Variants in ABCB11 observed in about 807,000 individuals in gnomAD.
The protein encoded by ABCB11 is bile salt export pump.
In ABCB11, 95 loss-of-function variants were observed where a neutral mutation model predicts 148.0. That is an observed-to-expected ratio of 0.64 (90% CI 0.54 to 0.76). The LOEUF (loss-of-function observed/expected upper bound fraction) is 0.76. ABCB11 is among the 30% of genes least tolerant of loss of function. The pLI, the probability that ABCB11 is intolerant of heterozygous loss-of-function variation, is 0.00. For missense variants in ABCB11, 1,523 were observed against 1,617.8 expected, an observed-to-expected ratio of 0.94 and a Z score of 1.01; for synonymous variants, 591 against 555.4, an observed-to-expected ratio of 1.06 and a Z score of -0.90.
At chr2:168,933,030 A>T (rs1349406583) in intron 23 of ABCB11, among the ~76,000 whole-genome samples, 1 of 150,436 alleles carries the variant, frequency 6.6e-6, no homozygotes, top group Non-Finnish European at 1.5e-5. Context: ...AATGGTATGA[A>T]CCTGGGAGGC....
intron 1 of ABCB11, among the ~76,000 whole-genome samples, chr2:169,018,707 T>A (rs1389090920): frequency 6.6e-6 from 1 of 152,142 alleles, no homozygotes; most frequent in Non-Finnish European, 1.5e-5. Flanking sequence ...TTAGTCTTAT[T>A]CACAGTGGAA....
intron 5 of ABCB11, among the ~76,000 whole-genome samples, 153 bp from the exon 6 acceptor site, chr2:168,996,875 G>C (rs1694735939): frequency 6.7e-6 from 1 of 148,486 alleles, no homozygotes; most frequent in Admixed American, 6.8e-5. Flanking sequence ...ATTTCTATTA[G>C]ACATGAGTAA....
chr2:168,942,288 C>A (rs1024224229), intron 21 of ABCB11, among the ~76,000 whole-genome samples: 3 of 151,632 alleles, frequency 2.0e-5, no homozygotes, highest in African/African-American at 7.3e-5. Flanking sequence ...AATTTAGTAT[C>A]CCCACAATAG....
In ABCB11 at chr2:168,936,436, G is replaced by A; in HGVS notation, c.2611-3C>T. 2 of 1,613,626 alleles carry A rather than the reference G, an allele frequency of 1.2e-6. No individual in the cohort carries two copies. The highest frequency in any genetic ancestry group is 2.2e-5 in the East Asian group (1 of 44,866). Reference sequence around the variant, plus strand: ...ATCCCGATCTGAGAGCCGGCAGCCTGCAAACCAAAAAGCAATCAACCCGTC... The same window carrying A: ...ATCCCGATCTGAGAGCCGGCAGCCTACAAACCAAAAAGCAATCAACCCGTC... On this transcript the variant is annotated splice_polypyrimidine_tract_variant and splice_region_variant and intron_variant, in intron 21 of 27. Coordinates refer to ENST00000650372, the MANE Select transcript of ABCB11 (RefSeq NM_003742.4).
chr2:169,013,600 A>G, intron 4 of ABCB11, 90 bp from the exon 5 acceptor site: 1 of 1,034,642 alleles, frequency 9.7e-7, no homozygotes, highest in Non-Finnish European at 1.4e-6. Flanking sequence ...ATTCTCATGA[A>G]TAGTACTCAA....
chr2:168,940,487 A>T (rs73016688), intron 21 of ABCB11, among the ~76,000 whole-genome samples: 5,808 of 152,150 alleles, frequency 0.038, 362 homozygotes, highest in African/African-American at 0.13. Context: ...AATTCTAGTA[A>T]GGCTGAGAGA....
At position 168,986,261 on chromosome 2, in the gene ABCB11, G is replaced by A. The variant is rs1321469497; in HGVS notation, c.932C>T (p.Ala311Val). The A allele has an allele frequency of 6.2e-7, 1 of 1,612,700 alleles. No individual in the cohort carries two copies. Among genetic ancestry groups the A allele is most frequent in the Non-Finnish European group, 8.5e-7 (1 of 1,179,476 alleles). ...TCCTTTTCTAATTCCCCAACGCTGG[G>A]CGAACACAAGATTTTTCTCATACCT... Reference protein sequence around the residue: ...VERYEKNLVFAQRWGIRKGIV... With the variant: ...VERYEKNLVFVQRWGIRKGIV... The change falls in exon 10 of 28, where the codon GCC becomes GTC. Residue 311 changes from alanine to valine, a missense_variant. Physicochemically the swap from Ala to Val is moderately conservative, Grantham distance 64. Transcript: ENST00000650372.
At chr2:168,933,267 T>C (rs940911483) in intron 23 of ABCB11, among the ~76,000 whole-genome samples, 8 of 152,162 alleles carry the variant, frequency 5.3e-5, no homozygotes, top group Admixed American at 1.3e-4. Flanking sequence ...TAAAAGATAA[T>C]GATTGATGAT....
intron 21 of ABCB11, among the ~76,000 whole-genome samples, chr2:168,943,061 C>G (rs1215422410): frequency 6.6e-6 from 1 of 151,838 alleles, no homozygotes; most frequent in Non-Finnish European, 1.5e-5. Context: ...TAGAAAAATT[C>G]TGAGAAAATC....
rs142792836 is a variant in ABCB11, at chr2:168,972,422, A to C, written c.1435-372T>G. Among the ~76,000 whole-genome samples the C allele has an allele frequency of 5.4e-5, 8 of 147,506 alleles. No individual in the cohort carries two copies. In the East Asian group the frequency reaches 1.7e-3, roughly 31 times the overall value. The stretch of plus-strand genomic sequence containing the variant: ...TGGACTCAAAAGATATAATAAAAAT[A>C]AACAATGATCCCTATCTTGTATATA... On this transcript the variant is annotated intron_variant, in intron 13 of 27. Coordinates refer to ENST00000650372, the MANE Select transcript of ABCB11 (RefSeq NM_003742.4).
rs1060499579 is a variant in ABCB11, at chr2:168,944,925, G to T, written c.2380C>A (p.Gln794Lys). Residue 794 changes from glutamine (Q) to lysine (K), a missense_variant, in exon 20 of 28, where the codon CAG becomes AAG. Physicochemically the swap from Gln to Lys is moderately conservative, Grantham distance 53. Transcript: ENST00000650372. The stretch of plus-strand genomic sequence containing the variant: ...AAAAGTAGGCACACACCATTGATCT[G>T]TGACCTTTGTTCCTCTTTATCAGGA... ...SIPDKEEQRS[Q>K]INGVCLLFVA... The T allele has an allele frequency of 6.4e-7, 1 of 1,568,248 alleles. No individual in the cohort carries two copies. Among genetic ancestry groups the T allele is most frequent in the South Asian group, 1.2e-5 (1 of 85,026 alleles).
intron 17 of ABCB11, among the ~76,000 whole-genome samples, chr2:168,968,122 A>AAACAC (rs1693394138): frequency 1.1e-5 from 1 of 89,506 alleles, no homozygotes; most frequent in Non-Finnish European, 2.3e-5. Flanking sequence ...GAGGAACACT[A>AAACAC]AACACAGATT....
chr2:169,016,448 T>C (rs1285905692), intron 3 of ABCB11, among the ~76,000 whole-genome samples: 1 of 152,174 alleles, frequency 6.6e-6, no homozygotes, highest in Admixed American at 6.5e-5. Context: ...CTCTACTCTT[T>C]GCCTGTGGCA....
Position 168,935,332 on chromosome 2 carries a change from G to A in ABCB11, c.2908C>T (p.Pro970Ser), listed in dbSNP as rs779096015. The change falls in exon 23 of 28, where the codon CCC (proline) becomes TCC (serine). Residue 970 changes from proline to serine, a missense_variant. By Grantham distance (74) the Pro-to-Ser change is moderately conservative. Coordinates refer to ENST00000650372, the MANE Select transcript of ABCB11 (RefSeq NM_003742.4). Reference protein sequence around the residue: ...IEALETELEKPFKTAIQKANI... With the variant: ...IEALETELEKSFKTAIQKANI... The stretch of plus-strand genomic sequence containing the variant: ...GCTTTCTGAATGGCTGTCTTGAAGG[G>A]CTTCTCCAGCTCAGTCTCAAGTGCT... 79 of 1,613,870 alleles carry A rather than the reference G, an allele frequency of 4.9e-5. No individual in the cohort carries two copies. In the Admixed American group the frequency reaches 1.3e-3, roughly 26 times the overall value.
At chr2:168,961,854 C>T (rs1693091541) in intron 18 of ABCB11, among the ~76,000 whole-genome samples, 3 of 151,652 alleles carry the variant, frequency 2.0e-5, no homozygotes, top group Admixed American at 1.3e-4. Flanking sequence ...GTGAATCGAC[C>T]TTTAGCACCG....
chr2:168,948,437 C>A (rs2105918528), intron 19 of ABCB11, among the ~76,000 whole-genome samples: 1 of 151,726 alleles, frequency 6.6e-6, no homozygotes, highest in Non-Finnish European at 1.5e-5. Flanking sequence ...CCACTCTATG[C>A]CCAACATTAG....
At chr2:168,962,889 C>G (rs1559205918) in intron 18 of ABCB11, among the ~76,000 whole-genome samples, 1 of 151,640 alleles carries the variant, frequency 6.6e-6, no homozygotes, top group Non-Finnish European at 1.5e-5. Context: ...TCCTGCTGCT[C>G]CTGAGAAAAA....
Position 169,016,979 on chromosome 2 carries a change from TAC to T in ABCB11, c.77-182_77-181del, listed in dbSNP as rs71397686. Among the ~76,000 whole-genome samples the T allele has an allele frequency of 0.12, 16,632 of 137,830 alleles. 985 individuals carry two copies. The highest frequency in any genetic ancestry group is 0.16 in the South Asian group (661 of 4,042). 90.4% of individuals were successfully genotyped at this position (137,830 alleles called of 152,430 possible). ...CTCATATTGTCTCTCTCTATCTTTC[TAC>T]ACACACACACACACACACACACACA... On this transcript the variant is annotated intron_variant, in intron 2 of 27. Transcript: ENST00000650372.
At chr2:168,993,597 T>A (rs551815029) in intron 8 of ABCB11, 114 bp downstream of exon 8, 1 of 906,952 alleles carries the variant, frequency 1.1e-6, no homozygotes, top group East Asian at 2.7e-5. Context: ...TACATGAAGA[T>A]AGTGATAATT....
Sources: gnomAD v4.1 joint callset for allele counts (sites outside exome capture counted in the v4.1 genomes callset) on GRCh38, gnomAD v4.1.1 for gene constraint, MANE v1.5 for transcripts, NCBI Gene and HGNC (gene_info 2026-07-23, HGNC 2026-07-21) for gene names.